MACROD2: variants seen among roughly 807,000 people sequenced by gnomAD.
MACROD2 encodes the protein mono-ADP ribosylhydrolase 2.
In MACROD2, 36 loss-of-function variants were observed where a neutral mutation model predicts 70.4. The observed-to-expected ratio is 0.51, with a 90% CI of 0.39 to 0.68. MACROD2 has a LOEUF of 0.68. Among genes scored for constraint, MACROD2 ranks in the 30% least tolerant of loss-of-function variants. MACROD2 has a pLI of 0.00. For missense variants in MACROD2, 496 were observed against 538.4 expected, an observed-to-expected ratio of 0.92 and a Z score of 0.78; for synonymous variants, 172 against 178.8, an observed-to-expected ratio of 0.96 and a Z score of 0.30.
At chr20:15,723,263 C>A (rs1241613557) in intron 8 of MACROD2, among the ~76,000 whole-genome samples, 3 of 152,192 alleles carry the variant, frequency 2.0e-5, no homozygotes, top group Non-Finnish European at 2.9e-5. Flanking sequence ...ACATTTGTTA[C>A]AATCCATGAA....
At chr20:15,549,632 A>G (rs528364135) in intron 8 of MACROD2, among the ~76,000 whole-genome samples, 2 of 152,304 alleles carry the variant, frequency 1.3e-5, no homozygotes, top group South Asian at 4.1e-4. Flanking sequence ...AGGGAAGAGA[A>G]GCCTTCACAT....
intron 8 of MACROD2, among the ~76,000 whole-genome samples, chr20:15,521,138 A>G (rs1268890851): frequency 6.6e-6 from 1 of 152,206 alleles, no homozygotes; most frequent in Non-Finnish European, 1.5e-5. Context: ...CCCCCAGCAG[A>G]CAACTGGGCT....
intron 3 of MACROD2, among the ~76,000 whole-genome samples, chr20:14,156,209 C>T (rs2055100774): frequency 6.6e-6 from 1 of 152,158 alleles, no homozygotes; most frequent in Non-Finnish European, 1.5e-5. Context: ...ATGATCATCT[C>T]TGTTTTTAAA....
intron 7 of MACROD2, among the ~76,000 whole-genome samples, chr20:15,499,454 A>T (rs147500797): frequency 6.6e-6 from 1 of 152,338 alleles, no homozygotes; most frequent in Non-Finnish European, 1.5e-5. Flanking sequence ...TTCTTACAAG[A>T]AAATAATATG....
At chr20:15,727,490 T>G (rs1401404175) in intron 8 of MACROD2, among the ~76,000 whole-genome samples, 1 of 152,180 alleles carries the variant, frequency 6.6e-6, no homozygotes, top group Non-Finnish European at 1.5e-5. Flanking sequence ...CATTGGTAGT[T>G]TGATAGGAAT....
intron 5 of MACROD2, among the ~76,000 whole-genome samples, chr20:15,161,073 T>A (rs1244542348): frequency 6.6e-6 from 1 of 152,086 alleles, no homozygotes; most frequent in Non-Finnish European, 1.5e-5. Context: ...AGTTCACCTT[T>A]AAATCCTGGT....
At chr20:14,058,613 ATTTTTCTTTTTC>A (rs766883309) in intron 2 of MACROD2, among the ~76,000 whole-genome samples, 6 of 130,126 alleles carry the variant, frequency 4.6e-5, no homozygotes, top group Non-Finnish European at 8.4e-5. Context: ...AGTTCTATTC[ATTTTTCTTTTTC>A]TTTTTCTTTT....
chr20:14,346,471 T>C (rs1220349503), intron 3 of MACROD2, among the ~76,000 whole-genome samples: 1 of 152,190 alleles, frequency 6.6e-6, no homozygotes, highest in African/African-American at 2.4e-5. Flanking sequence ...TCCATTCTAA[T>C]ATAGCTGATT....
At chr20:15,012,908 C>T (rs2075094113) in intron 5 of MACROD2, among the ~76,000 whole-genome samples, 1 of 152,140 alleles carries the variant, frequency 6.6e-6, no homozygotes, top group African/African-American at 2.4e-5. Context: ...TGTATGCCTG[C>T]AAGTTGAGCA....
chr20:15,577,145 C>T (rs1039806917), intron 8 of MACROD2, among the ~76,000 whole-genome samples: 3 of 151,818 alleles, frequency 2.0e-5, no homozygotes, highest in African/African-American at 7.3e-5. Flanking sequence ...AGCAAAAGAA[C>T]ATTGAAAACA....
At chr20:15,799,494 T>C (rs1419296634) in intron 8 of MACROD2, among the ~76,000 whole-genome samples, 1 of 152,130 alleles carries the variant, frequency 6.6e-6, no homozygotes, top group Admixed American at 6.5e-5. Context: ...CTATCCCTCC[T>C]CCATAAGATT....
intron 4 of MACROD2, among the ~76,000 whole-genome samples, chr20:14,592,324 G>A (rs1327577979): frequency 6.6e-6 from 1 of 152,190 alleles, no homozygotes; most frequent in African/African-American, 2.4e-5. Context: ...TAACAACATA[G>A]TTGTTAAGTT....
At chr20:14,126,892 AG>A (rs1184387571) in intron 3 of MACROD2, among the ~76,000 whole-genome samples, 2 of 152,118 alleles carry the variant, frequency 1.3e-5, no homozygotes, top group Admixed American at 6.5e-5. Context: ...CCCTGTCCTC[AG>A]GGCTGCTTAT....
At chr20:16,027,953 T>A (rs1415769978) in intron 15 of MACROD2, among the ~76,000 whole-genome samples, 2 of 152,100 alleles carry the variant, frequency 1.3e-5, no homozygotes, top group African/African-American at 4.8e-5. Context: ...GGAGAATGCA[T>A]AATGAGGCTG....
intron 5 of MACROD2, among the ~76,000 whole-genome samples, chr20:15,060,052 A>G (rs969428266): frequency 1.1e-4 from 16 of 152,240 alleles, no homozygotes; most frequent in African/African-American, 3.9e-4. Context: ...AAATATGTGA[A>G]GGAAAAGGCT....
In MACROD2 at chr20:14,480,113, C is replaced by G. The variant is rs191448859; in HGVS notation, c.272-13366C>G. Among the ~76,000 whole-genome samples, 271 of 152,204 alleles carry G rather than the reference C, an allele frequency of 1.8e-3. 5 individuals are homozygous for G. Among genetic ancestry groups the G allele is most frequent in the Non-Finnish European group, 4.1e-4 (28 of 68,024 alleles). On this transcript the variant is annotated intron_variant, in intron 3 of 17. Coordinates refer to ENST00000684519, the MANE Select transcript of MACROD2 (RefSeq NM_001351661.2). Reference sequence around the variant, plus strand: ...TTGCACAGACTGGAACTCCTGGGCTCAAGCAATCCTCCTGCCTCAGCCTCC... The same window carrying G: ...TTGCACAGACTGGAACTCCTGGGCTGAAGCAATCCTCCTGCCTCAGCCTCC...
chr20:15,198,978 T>C (rs1438003948), intron 5 of MACROD2, among the ~76,000 whole-genome samples: 1 of 151,926 alleles, frequency 6.6e-6, no homozygotes. Flanking sequence ...TGAGCATTTT[T>C]TTTCAAATGT....
At chr20:15,327,535 C>G (rs999401997) in intron 6 of MACROD2, among the ~76,000 whole-genome samples, 2 of 152,058 alleles carry the variant, frequency 1.3e-5, no homozygotes, top group African/African-American at 4.8e-5. Flanking sequence ...AAGTGCCAAG[C>G]AAAAGGGGGA....
chr20:14,862,049 A>ATTTT (rs1249938012), intron 5 of MACROD2, among the ~76,000 whole-genome samples: 2 of 10,980 alleles, frequency 1.8e-4, no homozygotes, highest in African/African-American at 5.2e-4. Flanking sequence ...TTATATATAT[A>ATTTT]TTTATATATA....
Sources: allele counts gnomAD v4.1 joint callset (sites outside exome capture counted in the v4.1 genomes callset), GRCh38; gene constraint gnomAD v4.1.1; transcripts MANE v1.5; gene names NCBI Gene and HGNC (gene_info 2026-07-23, HGNC 2026-07-21).